SHANK2: variants seen among roughly 807,000 people sequenced by gnomAD.
SHANK2 encodes SH3 and multiple ankyrin repeat domains 2.
In SHANK2, 43 loss-of-function variants were observed where a neutral mutation model predicts 133.7. That is an observed-to-expected ratio of 0.32 (90% CI 0.25 to 0.41). SHANK2 has a LOEUF of 0.41. SHANK2 is among the 10% of genes least tolerant of loss of function. The pLI, the probability that SHANK2 is intolerant of heterozygous loss-of-function variation, is 1.00. For missense variants in SHANK2, 1,994 were observed against 2,235.8 expected (o/e 0.89, Z 2.18); for synonymous variants, 1,017 against 952.8 (o/e 1.07, Z -1.24).
In SHANK2 at chr11:70,470,771, C is replaced by CAA. The variant is rs2135648945; in HGVS notation, c.*2096_*2097dup. 1 of 152,448 alleles carries CAA rather than the reference C, an allele frequency of 6.6e-6. No individual in the cohort carries two copies. Among genetic ancestry groups the CAA allele is most frequent in the Non-Finnish European group, 1.5e-5 (1 of 68,132 alleles). 9.4% of individuals were successfully genotyped at this position (152,448 alleles called of 1,614,324 possible). The stretch of plus-strand genomic sequence containing the variant: ...AAGTTGGATTGGATCATTTCAAATA[C>CAA]AAAGATTGACCTGCAAAAGGTTTTG... On this transcript the variant is annotated 3_prime_UTR_variant, in exon 26 of 26. Coordinates refer to ENST00000601538, the MANE Select transcript of SHANK2 (RefSeq NM_012309.5).
intron 11 of SHANK2, among the ~76,000 whole-genome samples, chr11:70,883,332 C>T (rs12790009): frequency 0.037 from 5,691 of 152,286 alleles, 156 homozygotes; most frequent in Middle Eastern, 0.075. Flanking sequence ...TGGGATTTAG[C>T]ACCCCCTAAT....
At position 70,468,706 on chromosome 11, in the gene SHANK2, C is replaced by A. The variant is rs2058562717; in HGVS notation, c.*4163G>T. 6.6e-6 allele frequency: 1 copy of A among 152,144 alleles called. No homozygotes were observed. Among genetic ancestry groups the A allele is most frequent in the Admixed American group, 6.5e-5 (1 of 15,276 alleles). 9.4% of individuals were successfully genotyped at this position (152,144 alleles called of 1,614,324 possible). Reference sequence around the variant, plus strand: ...ACTATTGGATGGTGAAGCGGGAGAGCTTGAGGGTGAACTACAAAAGATATG... The same window carrying A: ...ACTATTGGATGGTGAAGCGGGAGAGATTGAGGGTGAACTACAAAAGATATG... On this transcript the variant is annotated 3_prime_UTR_variant, in exon 26 of 26. Coordinates refer to ENST00000601538, the MANE Select transcript of SHANK2 (RefSeq NM_012309.5).
rs369527288 is a variant in SHANK2 at position 70,662,937 on chromosome 11, G to A, written c.1854-1259C>T. On this transcript the variant is annotated intron_variant, in intron 15 of 25. Coordinates refer to ENST00000601538, the MANE Select transcript of SHANK2 (RefSeq NM_012309.5). ...AAGGCTACCGGCACCCCCCCGCCCC[G>A]TAGGACTCTGCTGCTGCCCGGAAGT... is the stretch of plus-strand genomic sequence containing the variant. Among the ~76,000 whole-genome samples, 435 of 152,238 alleles carry A rather than the reference G, an allele frequency of 2.9e-3. 4 individuals are homozygous for A. Among genetic ancestry groups the A allele is most frequent in the African/African-American group, 9.5e-3 (395 of 41,538 alleles).
chr11:70,760,319 A>T (rs1310331049), intron 14 of SHANK2, among the ~76,000 whole-genome samples: 2 of 152,230 alleles, frequency 1.3e-5, no homozygotes, highest in African/African-American at 4.8e-5. Context: ...TTTTGGCTAG[A>T]GGCCCAATTC....
chr11:71,249,297 A>G (rs961958853), intron 1 of SHANK2, among the ~76,000 whole-genome samples: 5 of 152,118 alleles, frequency 3.3e-5, no homozygotes, highest in African/African-American at 1.2e-4. Flanking sequence ...TTCTTCCACA[A>G]ATTCCCCAGT....
intron 17 of SHANK2, among the ~76,000 whole-genome samples, chr11:70,580,251 G>A (rs970099330): frequency 5.9e-5 from 9 of 151,878 alleles, no homozygotes; most frequent in Admixed American, 3.3e-4. Flanking sequence ...GGCGTGGGGT[G>A]GCTGGGCTGA....
At chr11:71,227,700 A>C (rs1555122443) in intron 1 of SHANK2, among the ~76,000 whole-genome samples, 1 of 152,146 alleles carries the variant, frequency 6.6e-6, no homozygotes, top group East Asian at 1.9e-4. Context: ...TAATATACCC[A>C]ATCAACAAGA....
intron 9 of SHANK2, among the ~76,000 whole-genome samples, chr11:71,065,697 G>A (rs1254745278): frequency 6.8e-6 from 1 of 146,336 alleles, no homozygotes; most frequent in Non-Finnish European, 1.5e-5. Flanking sequence ...CTCTTCCAGG[G>A]AGATGAACAG....
At position 70,623,344 on chromosome 11, in the gene SHANK2, C is replaced by A. The variant is rs1329529552; in HGVS notation, c.2061+36484G>T. On this transcript the variant is annotated intron_variant, in intron 17 of 25. Transcript: ENST00000601538. ...CGAGGTTGCCGACCTTCCCTGCCGG[C>A]CAGCACTGCACAGCTATTGCTTATG... is the stretch of plus-strand genomic sequence containing the variant. 3.9e-5 allele frequency among the ~76,000 whole-genome samples: 6 copies of A among 152,262 alleles called. 1 individual carries two copies. The highest frequency in any genetic ancestry group is 3.9e-4 in the Admixed American group (6 of 15,292).
chr11:70,691,256 G>A (rs1388217833), intron 15 of SHANK2, among the ~76,000 whole-genome samples: 1 of 152,166 alleles, frequency 6.6e-6, no homozygotes, highest in African/African-American at 2.4e-5. Flanking sequence ...GAAACAGCAG[G>A]AGGACGAGGA....
At chr11:70,754,589 G>A (rs1946825640) in intron 14 of SHANK2, among the ~76,000 whole-genome samples, 1 of 152,228 alleles carries the variant, frequency 6.6e-6, no homozygotes, top group African/African-American at 2.4e-5. Flanking sequence ...CTCGAGCAGA[G>A]CCCAGCCTGG....
At chr11:70,875,928 G>T (rs962027477) in intron 11 of SHANK2, among the ~76,000 whole-genome samples, 33 of 151,492 alleles carry the variant, frequency 2.2e-4, no homozygotes, top group African/African-American at 8.0e-4. Context: ...AGCCCGAGGT[G>T]GGCAGATCAC....
At chr11:71,172,512 C>T (rs1383598273) in intron 2 of SHANK2, among the ~76,000 whole-genome samples, 6 of 150,108 alleles carry the variant, frequency 4.0e-5, no homozygotes, top group African/African-American at 1.2e-4. Context: ...GCAGGAGAAT[C>T]GCTTGAACCC....
chr11:70,518,182 C>A (rs574075800), intron 17 of SHANK2, among the ~76,000 whole-genome samples: 52 of 152,300 alleles, frequency 3.4e-4, no homozygotes, highest in African/African-American at 1.3e-3. Context: ...GCCCCTGGGG[C>A]GATCATATCC....
intron 2 of SHANK2, among the ~76,000 whole-genome samples, chr11:71,151,846 C>A (rs568638628): frequency 1.8e-3 from 269 of 152,264 alleles, no homozygotes; most frequent in African/African-American, 5.5e-3. Flanking sequence ...GAAGCCCCCC[C>A]TCAGTGGACA....
intron 2 of SHANK2, among the ~76,000 whole-genome samples, chr11:71,176,815 A>G (rs1953456867): frequency 6.6e-6 from 1 of 152,186 alleles, no homozygotes. Flanking sequence ...TTTTTGGCCA[A>G]AAGTTATTCA....
chr11:70,840,657 G>A (rs1948889059), intron 11 of SHANK2, among the ~76,000 whole-genome samples: 1 of 152,196 alleles, frequency 6.6e-6, no homozygotes, highest in South Asian at 2.1e-4. Context: ...CAGTGGCCAA[G>A]GAGAGTTCTT....
chr11:70,852,962 G>C (rs950815272), intron 11 of SHANK2, among the ~76,000 whole-genome samples: 3 of 152,238 alleles, frequency 2.0e-5, no homozygotes, highest in Non-Finnish European at 4.4e-5. Flanking sequence ...CCAGAGGAAG[G>C]CAACGTTCCC....
chr11:70,708,882 GA>G (rs1945720746), intron 14 of SHANK2, among the ~76,000 whole-genome samples: 2 of 152,144 alleles, frequency 1.3e-5, no homozygotes, highest in African/African-American at 4.8e-5. Context: ...CTGATGTGTG[GA>G]CCCCCCCTGC....
Sources: gnomAD v4.1 joint callset for allele counts (sites outside exome capture counted in the v4.1 genomes callset) on GRCh38, gnomAD v4.1.1 for gene constraint, MANE v1.5 for transcripts, NCBI Gene and HGNC (gene_info 2026-07-23, HGNC 2026-07-21) for gene names.